TSPAN3: variants seen among roughly 807,000 people sequenced by gnomAD.
TSPAN3 encodes tetraspanin 3.
In TSPAN3, 9 loss-of-function variants were observed where a neutral mutation model predicts 31.1. That is an observed-to-expected ratio of 0.29 (90% CI 0.17 to 0.50). The LOEUF (loss-of-function observed/expected upper bound fraction) is 0.50, where lower values mean the gene tolerates loss of function less well. Among genes scored for constraint, TSPAN3 ranks in the 20% least tolerant of loss-of-function variants. The pLI is 0.98. For synonymous variants in TSPAN3, 129 were observed against 114.3 expected (o/e 1.13, Z -0.82); for missense variants, 252 against 313.5 (o/e 0.80, Z 1.48).
At chr15:77,066,737 C>T (rs919988729) in intron 1 of TSPAN3, among the ~76,000 whole-genome samples, 2 of 152,116 alleles carry the variant, frequency 1.3e-5, no homozygotes, top group African/African-American at 2.4e-5. Flanking sequence ...CCAAGCTGTA[C>T]ATCCTTTCAC....
At position 77,059,301 on chromosome 15, in the gene TSPAN3, C is replaced by G. The variant is rs536984790; in HGVS notation, c.64-3046G>C. Reference sequence around the variant, plus strand: ...GTTTCACCGTGTTAGCCAGGATGGTCTCGATGTCCTGACCTCGTGATCCGC... The same window carrying G: ...GTTTCACCGTGTTAGCCAGGATGGTGTCGATGTCCTGACCTCGTGATCCGC... On this transcript the variant is annotated intron_variant, in intron 1 of 6. Coordinates refer to ENST00000267970, the MANE Select transcript of TSPAN3 (RefSeq NM_005724.6). Among the ~76,000 whole-genome samples, 16 of 152,314 alleles carry G rather than the reference C, an allele frequency of 1.1e-4. No homozygotes were observed. The East Asian group carries it at 2.3e-3, about 22-fold the overall frequency.
chr15:77,053,905 G>A (rs1013003395), intron 4 of TSPAN3, among the ~76,000 whole-genome samples: 4 of 152,112 alleles, frequency 2.6e-5, no homozygotes, highest in Middle Eastern at 3.4e-3. Context: ...TCTCTCTTGC[G>A]TCATCACCCC....
intron 1 of TSPAN3, 134 bp downstream of exon 1, chr15:77,070,758 C>T (rs2076863779): frequency 3.4e-6 from 1 of 291,318 alleles, no homozygotes; most frequent in Non-Finnish European, 5.1e-6. Flanking sequence ...GCCCTCCCCT[C>T]GCCTCAGCCG....
chr15:77,070,479 C>T (rs1032026488), intron 1 of TSPAN3, among the ~76,000 whole-genome samples: 1 of 152,032 alleles, frequency 6.6e-6, no homozygotes, highest in Non-Finnish European at 1.5e-5. Context: ...TCTGCGAGGC[C>T]CCGACAAAGA....
intron 6 of TSPAN3, among the ~76,000 whole-genome samples, chr15:77,048,903 C>T (rs976909485): frequency 2.0e-5 from 3 of 151,926 alleles, no homozygotes; most frequent in Non-Finnish European, 4.4e-5. Flanking sequence ...CATTCTTATA[C>T]AAAAATAAGA....
chr15:77,046,031 G>C lies in TSPAN3; in HGVS notation c.*804C>G, dbSNP rs2076688934. 5.9e-6 allele frequency: 1 copy of C among 169,810 alleles called. No homozygotes were observed. Among genetic ancestry groups the C allele is most frequent in the South Asian group, 2.0e-4 (1 of 4,982 alleles). 10.5% of individuals were successfully genotyped at this position (169,810 alleles called of 1,614,324 possible). A position where few individuals can be genotyped will look rare whatever the true frequency, so the allele number is the denominator to read the frequency against. On this transcript the variant is annotated 3_prime_UTR_variant, in exon 7 of 7. Transcript: ENST00000267970. ...CCAAATAATGAAAAATAATATGTTG[G>C]GGGCTGATACAGAGTTTATTGAATT...
At position 77,042,131 on chromosome 15, in the gene TSPAN3, TAGCAAAA is replaced by T. The variant is rs939520510; in HGVS notation, c.*4697_*4703del. 6.6e-6 allele frequency: 1 copy of T among 152,236 alleles called. No homozygotes were observed. The highest frequency in any genetic ancestry group is 2.4e-5 in the African/African-American group (1 of 41,454). 9.4% of individuals were successfully genotyped at this position (152,236 alleles called of 1,614,324 possible). ...GGATCTTGTAGGATAAAATTCCTAT[TAGCAAAA>T]AGCAAAAACCAAAACCCAATACCAA... On this transcript the variant is annotated 3_prime_UTR_variant, in exon 7 of 7. Transcript: ENST00000267970.
In TSPAN3 at chr15:77,071,018, A is replaced by G. The variant is rs994548708; in HGVS notation, c.-64T>C. 4 of 1,227,918 alleles carry G rather than the reference A, an allele frequency of 3.3e-6. No homozygotes were observed. Among genetic ancestry groups the G allele is most frequent in the South Asian group, 2.0e-5 (1 of 50,126 alleles). 76.1% of individuals were successfully genotyped at this position (1,227,918 alleles called of 1,614,324 possible). ...GGCTGCGCTCACCGAGAGAGCGGCA[A>G]TGGCGGCGGCGCCTCCTCGCTAGGA... On this transcript the variant is annotated 5_prime_UTR_variant, in exon 1 of 7. Transcript: ENST00000267970.
rs748639043 is a variant in TSPAN3, at chr15:77,059,036, G to T, written c.64-2781C>A. 1.1e-4 allele frequency among the ~76,000 whole-genome samples: 16 copies of T among 152,128 alleles called. No homozygotes were observed. In the East Asian group the frequency reaches 3.1e-3, roughly 29 times the overall value. On this transcript the variant is annotated intron_variant, in intron 1 of 6. Coordinates refer to ENST00000267970, the MANE Select transcript of TSPAN3 (RefSeq NM_005724.6). Reference sequence around the variant, plus strand: ...AGAGAATGAAGGTGAGCACAAAAGTGGGGGGGAGTGGAGAAGAGAAATAGT... The same window carrying T: ...AGAGAATGAAGGTGAGCACAAAAGTTGGGGGGAGTGGAGAAGAGAAATAGT...
chr15:77,064,975 ACCT>A (rs935245533), intron 1 of TSPAN3: 6 of 152,236 alleles, frequency 3.9e-5, no homozygotes, highest in African/African-American at 1.4e-4. Flanking sequence ...CACTTGAAAT[ACCT>A]CATTATAAAG....
Position 77,070,945 on chromosome 15 carries a change from A to G in TSPAN3, c.10T>C (p.Cys4Arg). The change falls in exon 1 of 7, where the codon TGC becomes CGC. Residue 4 changes from cysteine to arginine, a missense_variant. Coordinates refer to ENST00000267970, the MANE Select transcript of TSPAN3 (RefSeq NM_005724.6). ...ACGGTCTTGGAGGAGGTGATGCCGC[A>G]CTGGCCCATGGCGCCGGTGGCCCGC... is the stretch of plus-strand genomic sequence containing the variant. MGQ[C>R]GITSSKTVLV... 6.9e-7 allele frequency: 1 copy of G among 1,441,418 alleles called. No individual in the cohort carries two copies. Among genetic ancestry groups the G allele is most frequent in the Non-Finnish European group, 9.2e-7 (1 of 1,089,826 alleles). 89.3% of individuals were successfully genotyped at this position (1,441,418 alleles called of 1,614,324 possible). A position where few individuals can be genotyped will look rare whatever the true frequency, so the allele number is the denominator to read the frequency against.
At chr15:77,056,705 T>C (rs1024606610) in intron 1 of TSPAN3, among the ~76,000 whole-genome samples, 3 of 152,136 alleles carry the variant, frequency 2.0e-5, no homozygotes, top group Non-Finnish European at 2.9e-5. Flanking sequence ...CTAATCTCTA[T>C]CTACCCCACC....
intron 6 of TSPAN3, among the ~76,000 whole-genome samples, chr15:77,047,596 G>T (rs985605969): frequency 3.3e-5 from 5 of 152,042 alleles, no homozygotes; most frequent in African/African-American, 1.2e-4. Context: ...TATTACTTTT[G>T]AAAGGTCACT....
In TSPAN3 at chr15:77,042,896, G is replaced by C. The variant is rs986249724; in HGVS notation, c.*3939C>G. Reference sequence around the variant, plus strand: ...GACACACCTCGACTAGGTGTGCCAGGTACTCATTTATTGCCTCTTAACTCC... The same window carrying C: ...GACACACCTCGACTAGGTGTGCCAGCTACTCATTTATTGCCTCTTAACTCC... On this transcript the variant is annotated 3_prime_UTR_variant, in exon 7 of 7. Coordinates refer to ENST00000267970, the MANE Select transcript of TSPAN3 (RefSeq NM_005724.6). 6.6e-6 allele frequency: 1 copy of C among 152,114 alleles called. No individual in the cohort carries two copies. Among genetic ancestry groups the C allele is most frequent in the Non-Finnish European group, 1.5e-5 (1 of 68,018 alleles). The allele number at this position is 152,114 out of a possible 1,614,324, so 9.4% of individuals were successfully genotyped here.
chr15:77,059,374 G>A (rs780906727), intron 1 of TSPAN3, among the ~76,000 whole-genome samples: 11 of 152,176 alleles, frequency 7.2e-5, no homozygotes, highest in Non-Finnish European at 1.0e-4. Flanking sequence ...GAGCCATTGC[G>A]CCTGGCCAGA....
At position 77,043,613 on chromosome 15, in the gene TSPAN3, C is replaced by A. The variant is rs1405052776; in HGVS notation, c.*3222G>T. The A allele has an allele frequency of 1.3e-5, 2 of 152,188 alleles. No individual in the cohort carries two copies. Among genetic ancestry groups the A allele is most frequent in the Non-Finnish European group, 2.9e-5 (2 of 68,046 alleles). The allele number at this position is 152,188 out of a possible 1,614,324, so 9.4% of individuals were successfully genotyped here. On this transcript the variant is annotated 3_prime_UTR_variant, in exon 7 of 7. Coordinates refer to ENST00000267970, the MANE Select transcript of TSPAN3 (RefSeq NM_005724.6). ...CTGTATCCTTACAAACTGTTCCTAT[C>A]ATCACAGACAAAGCTATGGAAATGA...
chr15:77,063,966 T>G (rs1360982628), intron 1 of TSPAN3: 1 of 152,196 alleles, frequency 6.6e-6, no homozygotes, highest in Non-Finnish European at 1.5e-5. Context: ...GAGCCTGAGG[T>G]GCTTAAGCTT....
At position 77,042,216 on chromosome 15, in the gene TSPAN3, G is replaced by C. The variant is rs1029610663; in HGVS notation, c.*4619C>G. The C allele has an allele frequency of 6.6e-6, 1 of 152,218 alleles. No homozygotes were observed. Among genetic ancestry groups the C allele is most frequent in the Non-Finnish European group, 1.5e-5 (1 of 68,040 alleles). 9.4% of individuals were successfully genotyped at this position (152,218 alleles called of 1,614,324 possible). ...AGACACATGCCATTGCTGAACTGCT[G>C]AACTTGCTTCCCTGTGGGTACTTCT... On this transcript the variant is annotated 3_prime_UTR_variant, in exon 7 of 7. Coordinates refer to ENST00000267970, the MANE Select transcript of TSPAN3 (RefSeq NM_005724.6).
rs2076670448 is a variant in TSPAN3 at position 77,043,371 on chromosome 15, T to C, written c.*3464A>G. On this transcript the variant is annotated 3_prime_UTR_variant, in exon 7 of 7. Coordinates refer to ENST00000267970, the MANE Select transcript of TSPAN3 (RefSeq NM_005724.6). ...CTTCTACACAGTTAACAATTACTTA[T>C]ATTAAAACCTTCCTGTTCACATTTC... The C allele has an allele frequency of 6.6e-6, 1 of 152,228 alleles. No homozygotes were observed. Among genetic ancestry groups the C allele is most frequent in the Non-Finnish European group, 1.5e-5 (1 of 68,046 alleles). 9.4% of individuals were successfully genotyped at this position (152,228 alleles called of 1,614,324 possible).
Sources: gnomAD v4.1 joint callset for allele counts (sites outside exome capture counted in the v4.1 genomes callset) on GRCh38, gnomAD v4.1.1 for gene constraint, MANE v1.5 for transcripts, NCBI Gene and HGNC (gene_info 2026-07-23, HGNC 2026-07-21) for gene names.